DOCK5: variants seen among roughly 807,000 people sequenced by gnomAD.
DOCK5 encodes dedicator of cytokinesis protein 5.
DOCK5 carries 142 observed loss-of-function variants against 251.8 expected under a neutral mutation model. That is an observed-to-expected ratio of 0.56 (90% CI 0.49 to 0.65). The LOEUF (loss-of-function observed/expected upper bound fraction) is 0.65. DOCK5 is among the 30% of genes least tolerant of loss of function. DOCK5 has a pLI of 0.00. For missense variants in DOCK5, 2,111 were observed against 2,312.3 expected, an observed-to-expected ratio of 0.91 and a Z score of 1.79; for synonymous variants, 842 against 835.5, an observed-to-expected ratio of 1.01 and a Z score of -0.13.
intron 1 of DOCK5, among the ~76,000 whole-genome samples, chr8:25,220,290 A>C (rs1384793005): frequency 6.6e-6 from 1 of 152,030 alleles, no homozygotes; most frequent in Admixed American, 6.6e-5. Flanking sequence ...TCCTATATAA[A>C]GGTGAGAAAC....
intron 1 of DOCK5, among the ~76,000 whole-genome samples, chr8:25,228,684 G>A (rs1802590999): frequency 6.6e-6 from 1 of 151,730 alleles, no homozygotes; most frequent in African/African-American, 2.4e-5. Flanking sequence ...ATATGCTGAG[G>A]CAAGTCTCCC....
At chr8:25,333,905 A>G (rs918334850) in intron 20 of DOCK5, among the ~76,000 whole-genome samples, 191 bp from the exon 21 acceptor site, 2 of 152,144 alleles carry the variant, frequency 1.3e-5, no homozygotes, top group Admixed American at 6.5e-5. Context: ...TGCCTGACAC[A>G]TAATAGTCTC....
chr8:25,406,237 C>T (rs1019520221), intron 48 of DOCK5, among the ~76,000 whole-genome samples: 1 of 152,176 alleles, frequency 6.6e-6, no homozygotes, highest in Non-Finnish European at 1.5e-5. Context: ...GGATTACAGG[C>T]GTGAGCCACC....
chr8:25,213,389 A>G (rs1802151823), intron 1 of DOCK5, among the ~76,000 whole-genome samples: 1 of 145,540 alleles, frequency 6.9e-6, no homozygotes, highest in Non-Finnish European at 1.5e-5. Flanking sequence ...AAAAAAGCTG[A>G]TAATCTCTAG....
At chr8:25,379,870 A>ACACACC (rs1202462594) in intron 38 of DOCK5, among the ~76,000 whole-genome samples, 8 of 147,204 alleles carry the variant, frequency 5.4e-5, no homozygotes, top group East Asian at 2.1e-4. Context: ...ACACACACAC[A>ACACACC]CACCCATACA....
chr8:25,201,834 C>G (rs973684088), intron 1 of DOCK5, among the ~76,000 whole-genome samples: 3 of 152,188 alleles, frequency 2.0e-5, no homozygotes, highest in Non-Finnish European at 2.9e-5. Context: ...AGTACCCTAG[C>G]CTGGCAATCA....
intron 1 of DOCK5, among the ~76,000 whole-genome samples, chr8:25,228,074 G>A (rs1802575047): frequency 6.6e-6 from 1 of 151,970 alleles, no homozygotes; most frequent in African/African-American, 2.4e-5. Context: ...ATGGAGTTTT[G>A]CCCTGTTGCT....
chr8:25,322,135 G>A (rs372235616), intron 16 of DOCK5, among the ~76,000 whole-genome samples: 143 of 152,314 alleles, frequency 9.4e-4, no homozygotes, highest in African/African-American at 3.3e-3. Context: ...AAATGCATGT[G>A]TTGAACACCA....
Position 25,331,799 on chromosome 8 carries a change from TATAGAGAGAG to T in DOCK5, c.1904-450_1904-441del, listed in dbSNP as rs1211180546. 5.1e-3 allele frequency among the ~76,000 whole-genome samples: 251 copies of T among 48,966 alleles called. 2 individuals are homozygous for T. Among genetic ancestry groups the T allele is most frequent in the East Asian group, 0.034 (53 of 1,558 alleles). 32.1% of individuals were successfully genotyped at this position (48,966 alleles called of 152,430 possible). A position where few individuals can be genotyped will look rare whatever the true frequency, so the allele number is the denominator to read the frequency against. Reference sequence around the variant, plus strand: ...ATTAATGCATATATATATATATATATATAGAGAGAGAGAGAGAGAGAGAGAGAGAGAGAGA... The same window carrying T: ...ATTAATGCATATATATATATATATATAGAGAGAGAGAGAGAGAGAGAGAGA... On this transcript the variant is annotated intron_variant, in intron 18 of 51. Coordinates refer to ENST00000276440, the MANE Select transcript of DOCK5 (RefSeq NM_024940.8).
Position 25,292,118 on chromosome 8 carries a change from A to G in DOCK5, c.416A>G (p.Asp139Gly). Residue 139 changes from aspartate (D) to glycine (G), a missense_variant, in exon 6 of 52, where the codon GAT (aspartate) becomes GGT (glycine). Around this residue, in one of 3 missense-constraint regions of DOCK5, gnomAD observed 335 missense variants for 324.9 expected, o/e 1.03. Transcript: ENST00000276440. ...ATCCTGTCTGGGACGCTCCCCAAGG[A>G]TGAACTGGCAGAGCTCAAGAAGAAA... ...SQILSGTLPKDELAELKKKVT... is the reference protein window; with the variant it reads ...SQILSGTLPKGELAELKKKVT... 6.3e-7 allele frequency: 1 copy of G among 1,588,704 alleles called. No individual in the cohort carries two copies. Among genetic ancestry groups the G allele is most frequent in the Non-Finnish European group, 8.6e-7 (1 of 1,167,030 alleles).
intron 40 of DOCK5, among the ~76,000 whole-genome samples, chr8:25,386,898 A>G (rs1232195918): frequency 6.6e-6 from 1 of 152,250 alleles, no homozygotes; most frequent in Non-Finnish European, 1.5e-5. Flanking sequence ...ATTTAGAAAA[A>G]TAATGCCTAC....
chr8:25,335,923 G>T (rs965620600), intron 21 of DOCK5, among the ~76,000 whole-genome samples: 11 of 152,138 alleles, frequency 7.2e-5, no homozygotes, highest in African/African-American at 2.7e-4. Flanking sequence ...TGTCAGAATT[G>T]CATACCAGAG....
intron 28 of DOCK5, among the ~76,000 whole-genome samples, chr8:25,361,178 C>T (rs62502310): frequency 1.3e-5 from 2 of 152,108 alleles, no homozygotes; most frequent in South Asian, 2.1e-4. Flanking sequence ...ATTTAGATTT[C>T]CAGGAGTTAA....
intron 45 of DOCK5, among the ~76,000 whole-genome samples, 182 bp from the exon 46 acceptor site, chr8:25,399,729 C>A (rs755300919): frequency 1.1e-4 from 16 of 152,228 alleles, no homozygotes; most frequent in Non-Finnish European, 2.1e-4. Flanking sequence ...AAGGAAAGAC[C>A]ACACAATAGC....
At chr8:25,239,257 A>G (rs933300423) in intron 1 of DOCK5, among the ~76,000 whole-genome samples, 1 of 151,682 alleles carries the variant, frequency 6.6e-6, no homozygotes, top group Non-Finnish European at 1.5e-5. Flanking sequence ...TTTTGGAGGT[A>G]TTTTGGGTCA....
intron 18 of DOCK5, among the ~76,000 whole-genome samples, chr8:25,329,693 A>G (rs571182487): frequency 5.6e-4 from 85 of 152,298 alleles, no homozygotes; most frequent in Admixed American, 3.5e-3. Context: ...CTCTACCTGT[A>G]TACCAGGAGA....
intron 1 of DOCK5, among the ~76,000 whole-genome samples, chr8:25,199,655 T>C (rs905554015): frequency 6.6e-6 from 1 of 152,214 alleles, no homozygotes; most frequent in Non-Finnish European, 1.5e-5. Flanking sequence ...AGTGTTGGGA[T>C]TACATGCGTG....
rs377698091 is a variant in DOCK5, at chr8:25,199,743, G to A, written c.43+14792G>A. Among the ~76,000 whole-genome samples the A allele has an allele frequency of 3.2e-4, 48 of 152,184 alleles. 1 individual carries two copies. The highest frequency in any genetic ancestry group is 2.1e-3 in the East Asian group (11 of 5,194). ...GCTTTACTCTGGAGGAGGAGATGCA[G>A]CCTCTTCTCATGCAGAGACAATCAC... On this transcript the variant is annotated intron_variant, in intron 1 of 51. Transcript: ENST00000276440.
At chr8:25,270,367 A>G (rs967959637) in intron 3 of DOCK5, among the ~76,000 whole-genome samples, 7 of 152,196 alleles carry the variant, frequency 4.6e-5, no homozygotes, top group African/African-American at 1.7e-4. Flanking sequence ...CCTCAGTGAC[A>G]CAGAGTACTT....
Sources: gnomAD v4.1 joint callset for allele counts (sites outside exome capture counted in the v4.1 genomes callset) on GRCh38, gnomAD v4.1.1 for gene constraint, gnomAD v4.1.1 regional missense constraint, MANE v1.5 for transcripts, NCBI Gene and HGNC (gene_info 2026-07-23, HGNC 2026-07-21) for gene names.